SCHIP1: variants seen among roughly 807,000 people sequenced by gnomAD.
The protein encoded by SCHIP1 is schwannomin-interacting protein 1.
SCHIP1 carries 8 observed loss-of-function variants against 29.7 expected under a neutral mutation model. The ratio of observed to expected loss-of-function variants is 0.27; its 90% CI spans 0.16 to 0.49. The LOEUF (loss-of-function observed/expected upper bound fraction) is 0.49, where lower values mean the gene tolerates loss of function less well. Ranked by LOEUF, SCHIP1 falls within the 20% of genes least tolerant of loss-of-function variation. SCHIP1 has a pLI of 0.99. For missense variants in SCHIP1, 193 were observed against 294.6 expected (o/e 0.66, Z 2.52); for synonymous variants, 76 against 94.9 (o/e 0.80, Z 1.16).
the SCHIP1 span, among the ~76,000 whole-genome samples, chr3:159,781,237 A>G: frequency 1.3e-5 from 2 of 152,072 alleles, no homozygotes; most frequent in Non-Finnish European, 2.9e-5. Flanking sequence ...GTGCAATGGC[A>G]TGATCTCGGC....
the SCHIP1 span, among the ~76,000 whole-genome samples, chr3:159,825,047 C>A: frequency 2.0e-5 from 3 of 152,046 alleles, no homozygotes; most frequent in African/African-American, 7.2e-5. Context: ...CTTTATTATT[C>A]TTTAGATATA....
At chr3:159,794,016 A>T in the SCHIP1 span, among the ~76,000 whole-genome samples, 2 of 152,114 alleles carry the variant, frequency 1.3e-5, no homozygotes, top group Admixed American at 1.3e-4. Context: ...CACCCGGGTA[A>T]TTCAGGATAG....
chr3:159,514,081 C>G, the SCHIP1 span, among the ~76,000 whole-genome samples: 1 of 152,184 alleles, frequency 6.6e-6, no homozygotes, highest in East Asian at 1.9e-4. Context: ...AATTAACTTA[C>G]GCACATCTGG....
At chr3:159,879,320 C>T (rs1309208488) in intron 2 of SCHIP1, among the ~76,000 whole-genome samples, 3 of 148,452 alleles carry the variant, frequency 2.0e-5, no homozygotes, top group Non-Finnish European at 4.5e-5. Context: ...AATTTGTTTC[C>T]TCCTTTTTAA....
the SCHIP1 span, among the ~76,000 whole-genome samples, chr3:159,562,167 G>A: frequency 1.3e-5 from 2 of 152,152 alleles, no homozygotes; most frequent in South Asian, 2.1e-4. Flanking sequence ...TCCTTTGCTC[G>A]TTTTCAGTTC....
At chr3:159,494,997 G>A in the SCHIP1 span, among the ~76,000 whole-genome samples, 4 of 152,216 alleles carry the variant, frequency 2.6e-5, no homozygotes, top group African/African-American at 9.6e-5. Context: ...CAGAACCAAT[G>A]ACAAAAACCA....
At chr3:159,765,180 T>C in the SCHIP1 span, 24 of 1,517,776 alleles carry the variant, frequency 1.6e-5, no homozygotes, top group Admixed American at 4.2e-5. Flanking sequence ...CACACACGCG[T>C]ACACACCCCG....
the SCHIP1 span, among the ~76,000 whole-genome samples, chr3:159,418,813 A>AC: frequency 0.96 from 145,653 of 152,302 alleles, 69,679 homozygotes; most frequent in African/African-American, 0.97. Flanking sequence ...AGATGGCAGA[A>AC]TCAGTAACCA....
At chr3:159,842,993 A>ATTTTTTTTTTTT (rs1744376437) in intron 1 of SCHIP1, among the ~76,000 whole-genome samples, 4 of 48,072 alleles carry the variant, frequency 8.3e-5, no homozygotes, top group Admixed American at 3.1e-4. Context: ...CTATCCCAAT[A>ATTTTTTTTTTTT]TTTCTTTCTT....
chr3:159,602,324 T>C, the SCHIP1 span, among the ~76,000 whole-genome samples: 1 of 152,322 alleles, frequency 6.6e-6, no homozygotes, highest in South Asian at 2.1e-4. Flanking sequence ...TAGTCTGTAA[T>C]TTTGGCTCTT....
At chr3:159,286,830 C>T in the SCHIP1 span, among the ~76,000 whole-genome samples, 16 of 152,042 alleles carry the variant, frequency 1.1e-4, no homozygotes, top group Non-Finnish European at 1.6e-4. Flanking sequence ...ATTAGTGATG[C>T]AGCATTTTTT....
chr3:159,465,766 G>T, the SCHIP1 span, among the ~76,000 whole-genome samples: 1 of 152,102 alleles, frequency 6.6e-6, no homozygotes, highest in African/African-American at 2.4e-5. Context: ...TGCTACAAAG[G>T]ATAATCACTT....
At chr3:159,814,358 A>G in the SCHIP1 span, among the ~76,000 whole-genome samples, 1 of 152,174 alleles carries the variant, frequency 6.6e-6, no homozygotes. Flanking sequence ...GTGTTGCCCC[A>G]GAGCACTCTG....
At chr3:159,297,697 C>G in the SCHIP1 span, among the ~76,000 whole-genome samples, 2 of 152,144 alleles carry the variant, frequency 1.3e-5, no homozygotes, top group Non-Finnish European at 1.5e-5. Flanking sequence ...GCCACTAATG[C>G]ACTGTCAATC....
the SCHIP1 span, among the ~76,000 whole-genome samples, chr3:159,460,340 A>C: frequency 2.0e-5 from 3 of 152,192 alleles, no homozygotes; most frequent in African/African-American, 7.2e-5. Context: ...AGGTCCCCAA[A>C]GGAAGGTCAA....
chr3:159,452,769 A>G, the SCHIP1 span, among the ~76,000 whole-genome samples: 5 of 152,246 alleles, frequency 3.3e-5, no homozygotes, highest in African/African-American at 9.6e-5. Flanking sequence ...TCCCACCAAC[A>G]GTATAAAAGT....
chr3:159,490,175 T>C, the SCHIP1 span, among the ~76,000 whole-genome samples: 60 of 152,188 alleles, frequency 3.9e-4, no homozygotes, highest in Non-Finnish European at 1.5e-5. Context: ...TGTGAAATGA[T>C]CAAGTCAGTG....
At chr3:159,661,523 A>G in the SCHIP1 span, among the ~76,000 whole-genome samples, 96 of 152,362 alleles carry the variant, frequency 6.3e-4, 3 homozygotes, top group South Asian at 6.6e-3. Flanking sequence ...AACATATGAC[A>G]CACAATCAGT....
chr3:159,591,846 T>G, the SCHIP1 span, among the ~76,000 whole-genome samples: 1 of 151,978 alleles, frequency 6.6e-6, no homozygotes, highest in African/African-American at 2.4e-5. Flanking sequence ...GATGAAGGGT[T>G]GAGAGGTGCA....
Sources: allele counts gnomAD v4.1 joint callset (sites outside exome capture counted in the v4.1 genomes callset), GRCh38; gene constraint gnomAD v4.1.1; transcripts MANE v1.5; gene names NCBI Gene and HGNC (gene_info 2026-07-23, HGNC 2026-07-21).